Variants in SGIP1 observed in about 807,000 individuals in gnomAD.
The protein encoded by SGIP1 is SH3-containing GRB2-like protein 3-interacting protein 1.
In SGIP1, 38 loss-of-function variants were observed where a neutral mutation model predicts 107.5. The observed-to-expected ratio is 0.35, with a 90% CI of 0.27 to 0.46. The LOEUF is 0.46. Ranked by LOEUF, SGIP1 falls within the 20% of genes least tolerant of loss-of-function variation. The pLI is 1.00. For synonymous variants in SGIP1, 365 were observed against 366.1 expected, an observed-to-expected ratio of 1.00 and a Z score of 0.03; for missense variants, 929 against 1,019.5, an observed-to-expected ratio of 0.91 and a Z score of 1.21.
chr1:66,586,378 T>C (rs12130936), intron 1 of SGIP1, among the ~76,000 whole-genome samples: 3,273 of 152,238 alleles, frequency 0.021, 90 homozygotes, highest in Admixed American at 0.073. Flanking sequence ...AATTTTTGTT[T>C]CTTTTCTGTT....
chr1:66,660,214 A>AGAAAGAAAGAAG, intron 7 of SGIP1: 1 of 263,634 alleles, frequency 3.8e-6, no homozygotes, highest in Non-Finnish European at 6.2e-6. Context: ...AAAGAAAGAA[A>AGAAAGAAAGAAG]GAGAAAGAAA....
In SGIP1 at chr1:66,729,307, G is replaced by C; in HGVS notation, c.1786G>C (p.Ala596Pro). The change falls in exon 20 of 25, where the codon GCT (alanine) becomes CCT (proline). Residue 596 changes from alanine (A) to proline (P), a missense_variant. Ala to Pro is a conservative substitution (Grantham distance 27). Around this residue, in one of 2 missense-constraint regions of SGIP1, gnomAD observed 341 missense variants for 430.9 expected, o/e 0.79. Coordinates refer to ENST00000371037, the MANE Select transcript of SGIP1 (RefSeq NM_032291.4). ...ITGEMVLSFP[A>P]GITRHFANNP... is the part of the protein sequence containing the mutation. ...CGGAGAAATGGTGTTGTCATTTCCT[G>C]CTGGCATCACCAGACACTTTGCCAA... 1 of 1,613,986 alleles carries C rather than the reference G, an allele frequency of 6.2e-7. No individual in the cohort carries two copies. Among genetic ancestry groups the C allele is most frequent in the South Asian group, 1.1e-5 (1 of 91,070 alleles).
chr1:66,626,058 T>C (rs774148225), intron 2 of SGIP1, 148 bp downstream of exon 2: 3 of 458,482 alleles, frequency 6.5e-6, no homozygotes, highest in Non-Finnish European at 1.1e-5. Context: ...TTATTCAATA[T>C]AAACAGTTCT....
chr1:66,698,499 C>T (rs1445195556), intron 18 of SGIP1, among the ~76,000 whole-genome samples: 1 of 151,998 alleles, frequency 6.6e-6, no homozygotes, highest in African/African-American at 2.4e-5. Flanking sequence ...CTACCACAGC[C>T]TCCCGAGTAG....
intron 1 of SGIP1, among the ~76,000 whole-genome samples, chr1:66,624,904 C>T (rs1055510015): frequency 6.6e-6 from 1 of 152,148 alleles, no homozygotes; most frequent in East Asian, 1.9e-4. Flanking sequence ...TACAGAAGAA[C>T]CAAGACTGGG....
At chr1:66,731,121 A>G (rs1484513984) in intron 20 of SGIP1, among the ~76,000 whole-genome samples, 8 of 152,332 alleles carry the variant, frequency 5.3e-5, no homozygotes, top group Admixed American at 4.6e-4. Flanking sequence ...AGCACTTACT[A>G]CAGTTAATAA....
chr1:66,654,974 A>C (rs908106925), intron 7 of SGIP1, among the ~76,000 whole-genome samples: 1 of 152,170 alleles, frequency 6.6e-6, no homozygotes, highest in Non-Finnish European at 1.5e-5. Context: ...TTATTTCATT[A>C]TTTTTTAAAC....
At chr1:66,572,425 C>T (rs767086481) in intron 1 of SGIP1, among the ~76,000 whole-genome samples, 1 of 151,834 alleles carries the variant, frequency 6.6e-6, no homozygotes, top group East Asian at 1.9e-4. Context: ...CTTTTTTTCC[C>T]GACCCAGCAA....
At chr1:66,674,747 G>A (rs530085076) in intron 12 of SGIP1, among the ~76,000 whole-genome samples, 75 of 152,332 alleles carry the variant, frequency 4.9e-4, no homozygotes, top group African/African-American at 1.7e-3. Flanking sequence ...AAGAAAGGAA[G>A]TGGGGTGAGG....
At chr1:66,534,752 A>C (rs1314314879) in intron 1 of SGIP1, among the ~76,000 whole-genome samples, 1 of 152,258 alleles carries the variant, frequency 6.6e-6, no homozygotes, top group Non-Finnish European at 1.5e-5. Flanking sequence ...TCTGAAATTG[A>C]CATTAGACAG....
rs10707091 is a variant in SGIP1, at chr1:66,614,809, C to CTTTTT, written c.11-11015_11-11011dup. On this transcript the variant is annotated intron_variant, in intron 1 of 24. Transcript: ENST00000371037. ...CTAATAGGGGCTATGTTCCAGCTGT[C>CTTTTT]TTTTTTTTTTTTTTTTTTTTTTTTT... 3.0e-4 allele frequency among the ~76,000 whole-genome samples: 18 copies of CTTTTT among 59,416 alleles called. 3 individuals are homozygous for CTTTTT. The highest frequency in any genetic ancestry group is 5.5e-4 in the East Asian group (1 of 1,828). 39.0% of individuals were successfully genotyped at this position (59,416 alleles called of 152,430 possible).
intron 18 of SGIP1, among the ~76,000 whole-genome samples, chr1:66,713,229 C>T (rs1478545344): frequency 6.6e-6 from 1 of 152,060 alleles, no homozygotes; most frequent in Non-Finnish European, 1.5e-5. Context: ...CCTTATAGCA[C>T]TCATAAACTT....
chr1:66,682,261 T>C lies in SGIP1; in HGVS notation c.1207T>C (p.Phe403Leu). 6.2e-7 allele frequency: 1 copy of C among 1,614,164 alleles called. No individual in the cohort carries two copies. The highest frequency in any genetic ancestry group is 8.5e-7 in the Non-Finnish European group (1 of 1,180,010). The change falls in exon 15 of 25, where the codon TTT (phenylalanine) becomes CTT (leucine). Residue 403 changes from phenylalanine (F) to leucine (L), a missense_variant. This residue lies in a region of SGIP1 where 588 missense variants were observed against 588.6 expected (regional missense o/e 1.00). Coordinates refer to ENST00000371037, the MANE Select transcript of SGIP1 (RefSeq NM_032291.4). The part of the protein sequence containing the change: ...YLETISSPKD[F>L]GLGQRATPPP... ...AGAAACAATCTCATCTCCTAAAGAT[T>C]TTGGGTTGGGACAAAGAGCAACTCC...
chr1:66,739,623 G>A, intron 22 of SGIP1, 86 bp downstream of exon 22: 2 of 1,373,932 alleles, frequency 1.5e-6, no homozygotes, highest in South Asian at 1.2e-5. Flanking sequence ...TCCTGTAGGA[G>A]GAGATGACAG....
chr1:66,713,806 C>A (rs2093066176), intron 18 of SGIP1, among the ~76,000 whole-genome samples: 1 of 151,894 alleles, frequency 6.6e-6, no homozygotes, highest in African/African-American at 2.4e-5. Context: ...TGCATTCAAC[C>A]AACTTTATCT....
intron 2 of SGIP1, among the ~76,000 whole-genome samples, chr1:66,630,826 A>C (rs368706418): frequency 1.6e-4 from 1 of 6,256 alleles, no homozygotes; most frequent in Non-Finnish European, 2.4e-4. Context: ...AAAGAAAGAA[A>C]GAAAGAAAGA....
In SGIP1 at chr1:66,643,727, T is replaced by TTG. The variant is rs145373755; in HGVS notation, c.459+22_459+23dup. The TTG allele has an allele frequency of 4.5e-4, 706 of 1,581,262 alleles. No homozygotes were observed. The highest frequency in any genetic ancestry group is 6.7e-4 in the Middle Eastern group (4 of 5,936). On this transcript the variant is annotated intron_variant, in intron 7 of 24. Coordinates refer to ENST00000371037, the MANE Select transcript of SGIP1 (RefSeq NM_032291.4). ...CTTTCCCCATCACCAGTGGTGAGTG[T>TTG]TGTGTGTGTGTGTGTTAAGCTTTAG...
At chr1:66,713,346 G>A (rs1448495894) in intron 18 of SGIP1, among the ~76,000 whole-genome samples, 1 of 152,086 alleles carries the variant, frequency 6.6e-6, no homozygotes, top group Non-Finnish European at 1.5e-5. Context: ...ACCATTAAGA[G>A]AGCCAGAAAA....
In SGIP1 at chr1:66,677,006, C is replaced by G; in HGVS notation, c.649C>G (p.Leu217Val). The change falls in exon 13 of 25, where the codon CTT becomes GTT. Residue 217 changes from leucine (L) to valine (V), a missense_variant and splice_region_variant. This residue lies in a region of SGIP1 where 588 missense variants were observed against 588.6 expected (regional missense o/e 1.00). Coordinates refer to ENST00000371037, the MANE Select transcript of SGIP1 (RefSeq NM_032291.4). Reference sequence around the variant, plus strand: ...GAAATCTTCTTTTTTGTTTCCAGTTCTTTTAGATCAGCCTGAGATATGGGG... The same window carrying G: ...GAAATCTTCTTTTTTGTTTCCAGTTGTTTTAGATCAGCCTGAGATATGGGG... Reference protein sequence around the residue: ...SAFDEQKTEVLLDQPEIWGSG... With the variant: ...SAFDEQKTEVVLDQPEIWGSG... 6.2e-7 allele frequency: 1 copy of G among 1,605,482 alleles called. No individual in the cohort carries two copies. Among genetic ancestry groups the G allele is most frequent in the Non-Finnish European group, 8.5e-7 (1 of 1,177,886 alleles).
Sources: gnomAD v4.1 joint callset for allele counts (sites outside exome capture counted in the v4.1 genomes callset) on GRCh38, gnomAD v4.1.1 for gene constraint, gnomAD v4.1.1 regional missense constraint, MANE v1.5 for transcripts, NCBI Gene and HGNC (gene_info 2026-07-23, HGNC 2026-07-21) for gene names.